MYO16: variants seen among roughly 807,000 people sequenced by gnomAD.
MYO16 encodes the protein unconventional myosin-XVI.
Under a neutral mutation model 205.3 loss-of-function variants are expected in MYO16, and 94 were observed. That is an observed-to-expected ratio of 0.46 (90% confidence interval 0.39 to 0.54). The LOEUF (loss-of-function observed/expected upper bound fraction) is 0.54. MYO16 is among the 20% of genes least tolerant of loss of function. The probability of loss-of-function intolerance (pLI) is 0.00; values close to 1 mark genes in which losing one functional copy is unlikely to be tolerated. For missense variants in MYO16, 2,315 were observed against 2,387.5 expected, an observed-to-expected ratio of 0.97 and a Z score of 0.63; for synonymous variants, 988 against 954.0, an observed-to-expected ratio of 1.04 and a Z score of -0.66.
At chr13:108,559,713 G>C in the MYO16 span, among the ~76,000 whole-genome samples, 3 of 151,596 alleles carry the variant, frequency 2.0e-5, no homozygotes, top group Admixed American at 6.6e-5. Flanking sequence ...CTCGTGATCC[G>C]CCCACCTCAG....
chr13:109,089,963 G>A (rs1888565914), intron 27 of MYO16, among the ~76,000 whole-genome samples: 1 of 152,240 alleles, frequency 6.6e-6, no homozygotes, highest in African/African-American at 2.4e-5. Flanking sequence ...GGGCTGCGAG[G>A]CAGCCCTTCC....
chr13:108,764,782 A>G (rs1885725184), intron 4 of MYO16, among the ~76,000 whole-genome samples: 1 of 152,072 alleles, frequency 6.6e-6, no homozygotes. Flanking sequence ...TCTGGCCATT[A>G]ATTGATTCAA....
chr13:109,072,958 A>G (rs1033380212), intron 27 of MYO16, among the ~76,000 whole-genome samples: 1 of 152,220 alleles, frequency 6.6e-6, no homozygotes, highest in Non-Finnish European at 1.5e-5. Context: ...AGGAATTCTT[A>G]ACTACAACAG....
chr13:109,049,735 A>G (rs1887177234), intron 24 of MYO16, among the ~76,000 whole-genome samples: 2 of 152,134 alleles, frequency 1.3e-5, no homozygotes, highest in Admixed American at 1.3e-4. Context: ...TAAGTTGGCT[A>G]TACTATTATG....
chr13:108,905,391 G>C (rs1481111582), intron 15 of MYO16, among the ~76,000 whole-genome samples: 3 of 152,180 alleles, frequency 2.0e-5, no homozygotes, highest in African/African-American at 7.2e-5. Context: ...AGGAGCCAGT[G>C]CTAATAAAGG....
At chr13:108,543,573 C>G in the MYO16 span, among the ~76,000 whole-genome samples, 5 of 137,202 alleles carry the variant, frequency 3.6e-5, no homozygotes, top group African/African-American at 1.5e-4. Context: ...ACCCAGGAGG[C>G]GGAGCTTGCA....
At chr13:108,688,046 T>A (rs755147567) in intron 2 of MYO16, among the ~76,000 whole-genome samples, 4 of 152,216 alleles carry the variant, frequency 2.6e-5, no homozygotes, top group African/African-American at 9.6e-5. Flanking sequence ...GCATTTGCCA[T>A]GTAGAGTTTA....
intron 27 of MYO16, among the ~76,000 whole-genome samples, chr13:109,084,594 T>C (rs1888380325): frequency 6.6e-6 from 1 of 152,210 alleles, no homozygotes; most frequent in South Asian, 2.1e-4. Flanking sequence ...TAGAATCATA[T>C]TAAATAATAC....
In MYO16 at chr13:108,927,781, G is replaced by A. The variant is rs145981574; in HGVS notation, c.1925+17631G>A. Among the ~76,000 whole-genome samples, 23 of 152,228 alleles carry A rather than the reference G, an allele frequency of 1.5e-4. No homozygotes were observed. The East Asian group carries it at 3.5e-3, about 23-fold the overall frequency. On this transcript the variant is annotated intron_variant, in intron 16 of 34. Transcript: ENST00000457511. Reference sequence around the variant, plus strand: ...ACCCGAGCCATCATGACAGTTCCACGAGGCAGGCGTTTCCTGCCCTCTCCA... The same window carrying A: ...ACCCGAGCCATCATGACAGTTCCACAAGGCAGGCGTTTCCTGCCCTCTCCA...
At chr13:108,922,150 C>T (rs1484136566) in intron 16 of MYO16, among the ~76,000 whole-genome samples, 1 of 152,136 alleles carries the variant, frequency 6.6e-6, no homozygotes, top group Non-Finnish European at 1.5e-5. Context: ...GACTTGGATT[C>T]ATCATGTAGC....
At chr13:109,131,966 G>A (rs533141091) in intron 31 of MYO16, among the ~76,000 whole-genome samples, 14 of 152,308 alleles carry the variant, frequency 9.2e-5, no homozygotes, top group Admixed American at 5.2e-4. Context: ...CCGAGACATG[G>A]CAAGGGCTAT....
chr13:108,704,878 T>C (rs1883444608), intron 2 of MYO16, among the ~76,000 whole-genome samples: 1 of 148,668 alleles, frequency 6.7e-6, no homozygotes, highest in South Asian at 2.1e-4. Context: ...GAGAAATCAA[T>C]AAAACCAAAA....
chr13:108,956,149 A>G (rs1031569092), intron 16 of MYO16, among the ~76,000 whole-genome samples: 2 of 152,180 alleles, frequency 1.3e-5, no homozygotes, highest in African/African-American at 4.8e-5. Flanking sequence ...CAAATATAAG[A>G]CTTTATCTCT....
intron 1 of MYO16, among the ~76,000 whole-genome samples, chr13:108,664,174 G>A (rs923661572): frequency 6.6e-6 from 1 of 152,150 alleles, no homozygotes; most frequent in Admixed American, 6.6e-5. Flanking sequence ...TACTTATGAA[G>A]AGTCTTATGA....
intron 16 of MYO16, among the ~76,000 whole-genome samples, chr13:108,956,519 CTCT>C (rs1480366771): frequency 4.4e-5 from 3 of 68,478 alleles, no homozygotes; most frequent in African/African-American, 1.6e-4. Flanking sequence ...ACATGACAAA[CTCT>C]TTTTTTTTCC....
At chr13:108,553,406 C>T in the MYO16 span, among the ~76,000 whole-genome samples, 5 of 152,106 alleles carry the variant, frequency 3.3e-5, no homozygotes, top group Admixed American at 3.3e-4. Context: ...TTATATTTAC[C>T]CTTCAAGACC....
intron 12 of MYO16, among the ~76,000 whole-genome samples, chr13:108,879,940 G>A (rs1052691289): frequency 1.3e-5 from 2 of 152,188 alleles, no homozygotes. Context: ...TGGCCACACT[G>A]TCTTCCACAA....
At chr13:108,883,316 A>C in intron 13 of MYO16, 130 bp downstream of exon 13, 4 of 1,174,988 alleles carry the variant, frequency 3.4e-6, no homozygotes, top group Non-Finnish European at 4.7e-6. Context: ...TATCTTTGCA[A>C]TAAGTACATT....
chr13:108,764,093 A>G (rs1885702155), intron 4 of MYO16, among the ~76,000 whole-genome samples: 2 of 152,178 alleles, frequency 1.3e-5, no homozygotes, highest in Non-Finnish European at 2.9e-5. Flanking sequence ...CCATTCCAGC[A>G]CAGAGACACA....
Sources: gnomAD v4.1 joint callset for allele counts (sites outside exome capture counted in the v4.1 genomes callset) on GRCh38, gnomAD v4.1.1 for gene constraint, MANE v1.5 for transcripts, NCBI Gene and HGNC (gene_info 2026-07-23, HGNC 2026-07-21) for gene names.